Variants in UBE2O observed in about 807,000 individuals in gnomAD.
UBE2O encodes the protein (E3-independent) E2 ubiquitin-conjugating enzyme.
Under a neutral mutation model 125.8 loss-of-function variants are expected in UBE2O, and 15 were observed. The ratio of observed to expected loss-of-function variants is 0.12; its 90% CI spans 0.08 to 0.18. The LOEUF (loss-of-function observed/expected upper bound fraction) is 0.18. UBE2O is among the 10% of genes least tolerant of loss of function. The pLI, the probability that UBE2O is intolerant of heterozygous loss-of-function variation, is 1.00. For missense variants in UBE2O, 1,280 were observed against 1,723.6 expected, an observed-to-expected ratio of 0.74 and a Z score of 4.56; for synonymous variants, 708 against 703.2, an observed-to-expected ratio of 1.01 and a Z score of -0.11.
rs776163768 is a variant in UBE2O, at chr17:76,398,237, T to C, written c.2025+18A>G. On this transcript the variant is annotated intron_variant, in intron 12 of 17. Transcript: ENST00000319380. This position sits in a 1 kb window ranked among gnomAD's most constrained non-coding sequence, Gnocchi z 5.4. ...AGGGCAGTGAGCAGCCATCCAGAAC[T>C]TGAATTTGAAGGCGTACCTCATCCT... The C allele has an allele frequency of 3.1e-6, 5 of 1,614,088 alleles. No homozygotes were observed. In the South Asian group the frequency reaches 4.4e-5, roughly 14 times the overall value.
intron 1 of UBE2O, among the ~76,000 whole-genome samples, chr17:76,439,247 C>T (rs930418507): frequency 6.6e-6 from 1 of 152,160 alleles, no homozygotes; most frequent in Non-Finnish European, 1.5e-5. Context: ...GCCTAGAACG[C>T]GGCAGGTGCC....
chr17:76,424,130 G>A (rs773913812), intron 1 of UBE2O, among the ~76,000 whole-genome samples: 11 of 151,148 alleles, frequency 7.3e-5, no homozygotes, highest in African/African-American at 1.5e-4. Context: ...GGATGGTCTC[G>A]ATCTCCTGAC....
chr17:76,405,144 G>T lies in UBE2O; in HGVS notation c.588+62C>A. On this transcript the variant is annotated intron_variant, in intron 3 of 17. Coordinates refer to ENST00000319380, the MANE Select transcript of UBE2O (RefSeq NM_022066.4). This position sits in a 1 kb window ranked among gnomAD's most constrained non-coding sequence, Gnocchi z 6.1. ...GCACGGAGGAGGCTGTAGCCCAGAG[G>T]TCGTGCCGCCGAGAGAACCAGAGGG... 2 of 1,301,320 alleles carry T rather than the reference G, an allele frequency of 1.5e-6. No homozygotes were observed. The highest frequency in any genetic ancestry group is 2.2e-6 in the Non-Finnish European group (2 of 922,932). The allele number at this position is 1,301,320 out of a possible 1,614,324, so 80.6% of individuals were successfully genotyped here.
chr17:76,392,467 G>A (rs900397067), intron 15 of UBE2O, among the ~76,000 whole-genome samples: 19 of 152,042 alleles, frequency 1.2e-4, no homozygotes, highest in African/African-American at 4.1e-4. Flanking sequence ...GTTTCACTAT[G>A]TTGCCTAGGT....
At position 76,399,531 on chromosome 17, in the gene UBE2O, T is replaced by C; in HGVS notation, c.1546A>G (p.Ile516Val). 6 of 1,614,208 alleles carry C rather than the reference T, an allele frequency of 3.7e-6. No homozygotes were observed. Among genetic ancestry groups the C allele is most frequent in the Non-Finnish European group, 5.1e-6 (6 of 1,180,018 alleles). Residue 516 changes from isoleucine (I) to valine (V), a missense_variant, in exon 9 of 18, where the codon ATC (isoleucine) becomes GTC (valine). Ile to Val is a conservative substitution (Grantham distance 29). Around this residue, in one of 10 missense-constraint regions of UBE2O, gnomAD observed 145 missense variants for 219.6 expected, o/e 0.66. Coordinates refer to ENST00000319380, the MANE Select transcript of UBE2O (RefSeq NM_022066.4). This position sits in a 1 kb window ranked among gnomAD's most constrained non-coding sequence, Gnocchi z 6.9. The part of the protein sequence containing the change: ...SGSGTSRKKS[I>V]PLSIKNLKRK... ...TTTAAGTTCTTGATGGACAAGGGGATGCTCTTTTTGCGACTCGTGCCGCTG... is the reference window on the plus strand; with the variant it reads ...TTTAAGTTCTTGATGGACAAGGGGACGCTCTTTTTGCGACTCGTGCCGCTG...
intron 1 of UBE2O, among the ~76,000 whole-genome samples, chr17:76,416,933 G>T (rs1007439613): frequency 3.3e-5 from 5 of 152,186 alleles, no homozygotes; most frequent in Non-Finnish European, 7.3e-5. Flanking sequence ...GCTGCGGCTG[G>T]TCACATGGAG....
chr17:76,449,044 C>G (rs533088900), intron 1 of UBE2O, among the ~76,000 whole-genome samples: 38 of 152,346 alleles, frequency 2.5e-4, no homozygotes, highest in Middle Eastern at 3.4e-3. Flanking sequence ...CTCAGGAACA[C>G]GACAAATTCC....
At chr17:76,426,432 T>C (rs986628316) in intron 1 of UBE2O, among the ~76,000 whole-genome samples, 1 of 152,266 alleles carries the variant, frequency 6.6e-6, no homozygotes, top group Admixed American at 6.5e-5. Flanking sequence ...TTGTTTACTT[T>C]CATTGTGATC....
chr17:76,444,928 C>A (rs1216302781), intron 1 of UBE2O, among the ~76,000 whole-genome samples: 1 of 152,218 alleles, frequency 6.6e-6, no homozygotes, highest in Non-Finnish European at 1.5e-5. Context: ...TCTACACTTC[C>A]CACCTGCACT....
In UBE2O at chr17:76,411,787, G is replaced by A. The variant is rs187815986; in HGVS notation, c.418-6215C>T. On this transcript the variant is annotated intron_variant, in intron 1 of 17. Transcript: ENST00000319380. ...TGCAGCCTCAACCACCTGGGCTCAA[G>A]TAATCCTTCTGCCTCAGCCTCCTGA... 6.1e-4 allele frequency among the ~76,000 whole-genome samples: 93 copies of A among 152,266 alleles called. 1 individual carries two copies. The East Asian group carries it at 0.016, about 27-fold the overall frequency.
intron 1 of UBE2O, among the ~76,000 whole-genome samples, chr17:76,438,104 T>C (rs1405229045): frequency 6.6e-6 from 1 of 152,220 alleles, no homozygotes; most frequent in African/African-American, 2.4e-5. Context: ...CGCTTCCCTC[T>C]TCTTACTGCC....
chr17:76,442,048 C>T (rs531575120), intron 1 of UBE2O, among the ~76,000 whole-genome samples: 6 of 152,256 alleles, frequency 3.9e-5, no homozygotes, highest in Admixed American at 3.9e-4. Flanking sequence ...AGGAAACCCA[C>T]GTGTGTGGAA....
chr17:76,426,639 T>C (rs2072815276), intron 1 of UBE2O, among the ~76,000 whole-genome samples: 1 of 152,244 alleles, frequency 6.6e-6, no homozygotes, highest in Admixed American at 6.5e-5. Flanking sequence ...CTCAGAAAGT[T>C]TGAAGTCAAT....
chr17:76,429,090 C>T (rs1470539939), intron 1 of UBE2O, among the ~76,000 whole-genome samples: 2 of 151,596 alleles, frequency 1.3e-5, no homozygotes, highest in East Asian at 2.0e-4. Context: ...TTAGTAGAGA[C>T]GGGGTTTAAC....
At chr17:76,448,513 C>T (rs543097096) in intron 1 of UBE2O, among the ~76,000 whole-genome samples, 1 of 152,314 alleles carries the variant, frequency 6.6e-6, no homozygotes, top group Non-Finnish European at 1.5e-5. Context: ...GGATGTTTCA[C>T]ACACACAGCT....
intron 1 of UBE2O, among the ~76,000 whole-genome samples, chr17:76,451,774 A>AGG (rs34110427): frequency 6.7e-6 from 1 of 150,206 alleles, no homozygotes; most frequent in African/African-American, 2.4e-5. Flanking sequence ...TGTGAGATAC[A>AGG]GGGGGGTGTG....
In UBE2O at chr17:76,396,093, G is replaced by A. The variant is rs762363403; in HGVS notation, c.2809+35C>T. 2.6e-5 allele frequency: 42 copies of A among 1,601,662 alleles called. No homozygotes were observed. In the Middle Eastern group the frequency reaches 5.0e-4, roughly 19 times the overall value. The stretch of plus-strand genomic sequence containing the variant: ...ACACAAACAGGAGCCCCGAGAAGGC[G>A]GGGGAAGGCGAAGACCAGGCAAGGG... On this transcript the variant is annotated intron_variant, in intron 14 of 17. Coordinates refer to ENST00000319380, the MANE Select transcript of UBE2O (RefSeq NM_022066.4). This position sits in a 1 kb window ranked among gnomAD's most constrained non-coding sequence, Gnocchi z 6.7.
Position 76,405,386 on chromosome 17 carries a change from G to A in UBE2O, c.478-70C>T. ...TGGTCACCAGGGGAGACCCAGCCCA[G>A]GCAACCCCAGCGCACCCCCTGCAGA... On this transcript the variant is annotated intron_variant, in intron 2 of 17. Coordinates refer to ENST00000319380, the MANE Select transcript of UBE2O (RefSeq NM_022066.4). The surrounding 1 kb of genome is among the most constrained non-coding windows in gnomAD (Gnocchi z 6.1). The A allele has an allele frequency of 6.6e-7, 1 of 1,524,224 alleles. No homozygotes were observed. Among genetic ancestry groups the A allele is most frequent in the Non-Finnish European group, 9.0e-7 (1 of 1,111,588 alleles). 94.4% of individuals were successfully genotyped at this position (1,524,224 alleles called of 1,614,324 possible).
chr17:76,421,405 T>C (rs2072708673), intron 1 of UBE2O, among the ~76,000 whole-genome samples: 1 of 152,024 alleles, frequency 6.6e-6, no homozygotes, highest in African/African-American at 2.4e-5. Context: ...TTCGCTCTTG[T>C]TGCCCAGGCT....
Sources: gnomAD v4.1 joint callset for allele counts (sites outside exome capture counted in the v4.1 genomes callset) on GRCh38, gnomAD v4.1.1 for gene constraint, gnomAD v4.1.1 regional missense constraint, Gnocchi (gnomAD v3.1) non-coding constraint, MANE v1.5 for transcripts, NCBI Gene and HGNC (gene_info 2026-07-23, HGNC 2026-07-21) for gene names.